FBN1: variants seen among roughly 807,000 people sequenced by gnomAD.
FBN1 encodes fibrillin-1.
In FBN1, 29 loss-of-function variants were observed where a neutral mutation model predicts 365.1. That is an observed-to-expected ratio of 0.08 (90% CI 0.06 to 0.11). The LOEUF is 0.11. Ranked by LOEUF, FBN1 falls within the 10% of genes least tolerant of loss-of-function variation. The pLI is 1.00. For synonymous variants in FBN1, 1,210 were observed against 1,270.5 expected, an observed-to-expected ratio of 0.95 and a Z score of 1.01; for missense variants, 2,476 against 3,703.2, an observed-to-expected ratio of 0.67 and a Z score of 8.60.
intron 6 of FBN1, among the ~76,000 whole-genome samples, chr15:48,557,630 G>C (rs896849718): frequency 1.6e-4 from 24 of 152,268 alleles, no homozygotes; most frequent in African/African-American, 5.8e-4. Context: ...TTCATGCCAA[G>C]TATTCATTGA....
At chr15:48,628,174 C>T (rs1004109113) in intron 2 of FBN1, among the ~76,000 whole-genome samples, 3 of 152,110 alleles carry the variant, frequency 2.0e-5, no homozygotes, top group Admixed American at 6.5e-5. Context: ...TACAAACAGT[C>T]GGGGAGGTGC....
At chr15:48,630,067 A>G (rs913029758) in intron 2 of FBN1, among the ~76,000 whole-genome samples, 1 of 152,242 alleles carries the variant, frequency 6.6e-6, no homozygotes, top group African/African-American at 2.4e-5. Flanking sequence ...TGAAGAATCC[A>G]AGAACAAATG....
At chr15:48,449,379 T>C (rs1820129278) in intron 45 of FBN1, among the ~76,000 whole-genome samples, 2 of 152,216 alleles carry the variant, frequency 1.3e-5, no homozygotes, top group Admixed American at 1.3e-4. Flanking sequence ...AAGTTGCATC[T>C]CTTTGTTTTG....
At chr15:48,592,308 T>C (rs1323497223) in intron 6 of FBN1, among the ~76,000 whole-genome samples, 1 of 152,148 alleles carries the variant, frequency 6.6e-6, no homozygotes, top group African/African-American at 2.4e-5. Context: ...TTCTTTTCTC[T>C]TTTGACATGA....
intron 2 of FBN1, chr15:48,642,857 A>G (rs1890223480): frequency 6.6e-6 from 1 of 152,252 alleles, no homozygotes; most frequent in South Asian, 2.1e-4. Context: ...GAGCACAGAG[A>G]GGTATCTCTC....
intron 23 of FBN1, 30 bp from the exon 24 acceptor site, chr15:48,492,616 T>C (rs1360028404): frequency 7.2e-7 from 1 of 1,390,062 alleles, no homozygotes; most frequent in Admixed American, 1.7e-5. Flanking sequence ...ATAAAGTTAA[T>C]ATATCTTTAT....
At chr15:48,426,365 G>T (rs1009282871) in intron 58 of FBN1, among the ~76,000 whole-genome samples, 1 of 151,992 alleles carries the variant, frequency 6.6e-6, no homozygotes, top group Non-Finnish European at 1.5e-5. Context: ...TCCTGAAAAA[G>T]TTCAAATTAC....
At chr15:48,517,420 G>T (rs1367498172) in intron 10 of FBN1, among the ~76,000 whole-genome samples, 1 of 152,210 alleles carries the variant, frequency 6.6e-6, no homozygotes, top group Non-Finnish European at 1.5e-5. Flanking sequence ...TAAGGGAGGA[G>T]AAACACCAAG....
At chr15:48,579,178 C>A (rs1347278227) in intron 6 of FBN1, among the ~76,000 whole-genome samples, 3 of 152,064 alleles carry the variant, frequency 2.0e-5, no homozygotes, top group Admixed American at 6.6e-5. Flanking sequence ...ACCACGAGCA[C>A]TGAATCTTGC....
intron 25 of FBN1, 50 bp from the exon 26 acceptor site, chr15:48,488,543 C>T: frequency 6.3e-7 from 1 of 1,599,398 alleles, no homozygotes. Flanking sequence ...AGCAAGCAGT[C>T]AGGAGGTCTC....
At chr15:48,413,275 TAAG>T (rs2042878442) in intron 64 of FBN1, among the ~76,000 whole-genome samples, 1 of 152,144 alleles carries the variant, frequency 6.6e-6, no homozygotes, top group African/African-American at 2.4e-5. Flanking sequence ...CTACTGAGGA[TAAG>T]AAGAAAGCTC....
intron 2 of FBN1, among the ~76,000 whole-genome samples, chr15:48,628,126 G>A (rs1597642557): frequency 6.6e-6 from 1 of 152,172 alleles, no homozygotes; most frequent in African/African-American, 2.4e-5. Context: ...CACGGGTGAT[G>A]TGCCTGGCAC....
intron 41 of FBN1, 28 bp downstream of exon 41, chr15:48,463,871 T>G (rs755181969): frequency 6.3e-7 from 1 of 1,591,588 alleles, no homozygotes. Flanking sequence ...GAACCAAACA[T>G]GCATTACTGA....
At chr15:48,478,355 A>T (rs1160586876) in intron 32 of FBN1, among the ~76,000 whole-genome samples, 2 of 152,188 alleles carry the variant, frequency 1.3e-5, no homozygotes, top group Non-Finnish European at 2.9e-5. Context: ...TCTCCTATGA[A>T]CCAAGATCCA....
At chr15:48,435,764 A>ATGTG in intron 53 of FBN1, among the ~76,000 whole-genome samples, 1 of 21,370 alleles carries the variant, frequency 4.7e-5, no homozygotes. Flanking sequence ...GTGTATATAT[A>ATGTG]TGTGTATATG....
At chr15:48,427,982 A>G in intron 57 of FBN1, 1 of 697,150 alleles carries the variant, frequency 1.4e-6, no homozygotes, top group Non-Finnish European at 2.6e-6. Context: ...AGTAGGCAGA[A>G]AGACATTGGC....
intron 19 of FBN1, among the ~76,000 whole-genome samples, chr15:48,496,936 T>C (rs1028439784): frequency 6.6e-6 from 1 of 152,196 alleles, no homozygotes. Flanking sequence ...AAAATCAAGG[T>C]TGACTTTGTA....
chr15:48,445,283 T>C, intron 48 of FBN1, 93 bp downstream of exon 48: 1 of 1,420,098 alleles, frequency 7.0e-7, no homozygotes, highest in South Asian at 1.2e-5. Context: ...TTCCTCCAGG[T>C]TTCCAGAAAG....
intron 12 of FBN1, among the ~76,000 whole-genome samples, chr15:48,514,543 G>A (rs1014393613): frequency 6.6e-6 from 1 of 152,196 alleles, no homozygotes; most frequent in Admixed American, 6.5e-5. Flanking sequence ...GATAGGAGCT[G>A]AGTGTTCTTA....
Sources: allele counts gnomAD v4.1 joint callset (sites outside exome capture counted in the v4.1 genomes callset), GRCh38; gene constraint gnomAD v4.1.1; transcripts MANE v1.5; gene names NCBI Gene and HGNC (gene_info 2026-07-23, HGNC 2026-07-21).